EPHX2: variants seen among roughly 807,000 people sequenced by gnomAD.
The protein encoded by EPHX2 is epoxide hydrolase 2.
EPHX2 carries 74 observed loss-of-function variants against 78.7 expected under a neutral mutation model. The observed-to-expected ratio is 0.94, with a 90% confidence interval of 0.78 to 1.14. The LOEUF (loss-of-function observed/expected upper bound fraction) is 1.14, where lower values mean the gene tolerates loss of function less well. Among genes scored for constraint, EPHX2 ranks in the 50% most tolerant of loss-of-function variants. The pLI is 0.00. For missense variants in EPHX2, 715 were observed against 702.5 expected (o/e 1.02, Z -0.20); for synonymous variants, 251 against 255.2 (o/e 0.98, Z 0.16).
chr8:27,505,210 G>T, intron 4 of EPHX2, 64 bp downstream of exon 4: 1 of 1,552,386 alleles, frequency 6.4e-7, no homozygotes, highest in South Asian at 1.2e-5. Flanking sequence ...GGGAAAAACT[G>T]AGGAGTGAGC....
intron 2 of EPHX2, 81 bp from the exon 3 acceptor site, chr8:27,503,523 T>C: frequency 7.0e-7 from 1 of 1,432,706 alleles, no homozygotes; most frequent in Admixed American, 2.1e-5. Flanking sequence ...TCACAGGGAA[T>C]GTATATGTTT....
In EPHX2 at chr8:27,544,256, G is replaced by A; in HGVS notation, c.1589+12G>A. ...ACACAGATGGACAAGTAAGGAGGTT[G>A]GGGGCTCCTGGGGTCGGGGAGAGCA... On this transcript the variant is annotated intron_variant, in intron 18 of 18. Coordinates refer to ENST00000521400, the MANE Select transcript of EPHX2 (RefSeq NM_001979.6). 2.5e-6 allele frequency: 4 copies of A among 1,613,928 alleles called. No homozygotes were observed. Among genetic ancestry groups the A allele is most frequent in the Non-Finnish European group, 3.4e-6 (4 of 1,179,806 alleles).
At chr8:27,500,493 A>G (rs1813724647) in intron 1 of EPHX2, among the ~76,000 whole-genome samples, 1 of 152,236 alleles carries the variant, frequency 6.6e-6, no homozygotes, top group Non-Finnish European at 1.5e-5. Context: ...CATTAAGATA[A>G]AATAGAAACT....
chr8:27,521,784 G>A (rs946359970), intron 10 of EPHX2, among the ~76,000 whole-genome samples: 5 of 152,198 alleles, frequency 3.3e-5, no homozygotes, highest in Non-Finnish European at 5.9e-5. Flanking sequence ...GTGACTCTGC[G>A]GTTGCTGCCA....
At chr8:27,543,615 C>G (rs369013297) in intron 16 of EPHX2, 134 bp from the exon 17 acceptor site, 2 of 788,008 alleles carry the variant, frequency 2.5e-6, no homozygotes, top group Non-Finnish European at 4.2e-6. Flanking sequence ...GTAATAACCA[C>G]GAGTCTGTTG....
At chr8:27,515,101 C>T (rs150630499) in intron 6 of EPHX2, among the ~76,000 whole-genome samples, 28 of 152,254 alleles carry the variant, frequency 1.8e-4, no homozygotes, top group African/African-American at 6.7e-4. Flanking sequence ...GAGCCTGGCC[C>T]CTCCTCCTCC....
chr8:27,498,481 T>C (rs1813653755), intron 1 of EPHX2, among the ~76,000 whole-genome samples: 1 of 152,162 alleles, frequency 6.6e-6, no homozygotes, highest in African/African-American at 2.4e-5. Context: ...TGTATAGTTA[T>C]ATTCTTTCCC....
chr8:27,505,854 A>G (rs983176582), intron 4 of EPHX2, among the ~76,000 whole-genome samples: 3 of 152,216 alleles, frequency 2.0e-5, no homozygotes, highest in Admixed American at 6.5e-5. Flanking sequence ...CAGTCTTCCT[A>G]TCGATGGCTT....
chr8:27,537,682 A>G (rs1449943339), intron 13 of EPHX2, among the ~76,000 whole-genome samples: 3 of 152,126 alleles, frequency 2.0e-5, no homozygotes, highest in South Asian at 2.1e-4. Context: ...CTCTTTTGAT[A>G]GAGTCTTGTT....
chr8:27,524,508 A>G (rs1814756469), intron 11 of EPHX2, among the ~76,000 whole-genome samples: 1 of 151,994 alleles, frequency 6.6e-6, no homozygotes, highest in South Asian at 2.1e-4. Flanking sequence ...AGGTCCCTTC[A>G]TGTCTAGGCT....
In EPHX2 at chr8:27,537,751, A is replaced by G. The variant is rs141916107; in HGVS notation, c.1242+896A>G. Among the ~76,000 whole-genome samples the G allele has an allele frequency of 1.8e-3, 273 of 151,976 alleles. 1 individual carries two copies. Among genetic ancestry groups the G allele is most frequent in the South Asian group, 0.015 (73 of 4,792 alleles). ...AATTATTTTAAGTATATTCATTTCT[A>G]ATTCTCTCTTGTTTCTCTCTCTCCC... On this transcript the variant is annotated intron_variant, in intron 13 of 18. Coordinates refer to ENST00000521400, the MANE Select transcript of EPHX2 (RefSeq NM_001979.6).
At chr8:27,540,095 T>C (rs1476858110) in intron 14 of EPHX2, among the ~76,000 whole-genome samples, 1 of 152,216 alleles carries the variant, frequency 6.6e-6, no homozygotes, top group Non-Finnish European at 1.5e-5. Flanking sequence ...TGCAGCCACC[T>C]GGCCTGGGTT....
rs1427364092 is a variant in EPHX2, at chr8:27,504,877, T to C, written c.347-79T>C. 3.4e-6 allele frequency: 5 copies of C among 1,468,052 alleles called. No individual in the cohort carries two copies. The African/African-American group carries it at 5.6e-5, about 16-fold the overall frequency. The allele number at this position is 1,468,052 out of a possible 1,614,324, so 90.9% of individuals were successfully genotyped here. ...GAGCACAACCTGCTTGGCCCATCAT[T>C]GGAGTCCCTTGGGGGTATCTGGAGC... On this transcript the variant is annotated intron_variant, in intron 3 of 18. Coordinates refer to ENST00000521400, the MANE Select transcript of EPHX2 (RefSeq NM_001979.6).
chr8:27,495,714 A>G (rs1199935673), intron 1 of EPHX2, among the ~76,000 whole-genome samples: 1 of 152,172 alleles, frequency 6.6e-6, no homozygotes, highest in Non-Finnish European at 1.5e-5. Flanking sequence ...CTACCCATAA[A>G]CAGTAAGGCC....
intron 12 of EPHX2, among the ~76,000 whole-genome samples, chr8:27,528,461 A>G (rs1814921547): frequency 6.6e-6 from 1 of 152,204 alleles, no homozygotes; most frequent in Admixed American, 6.5e-5. Context: ...CTAAGGAACA[A>G]GTAGGCAAAG....
rs532892784 is a variant in EPHX2, at chr8:27,518,586, C to A, written c.945+514C>A. On this transcript the variant is annotated intron_variant, in intron 9 of 18. Coordinates refer to ENST00000521400, the MANE Select transcript of EPHX2 (RefSeq NM_001979.6). The stretch of plus-strand genomic sequence containing the variant: ...GGAGAGACTGGGTCCCAAACCTCCA[C>A]GCAGCTCAGGAGCAAAAGCAAAAGC... Among the ~76,000 whole-genome samples, 5 of 152,330 alleles carry A rather than the reference C, an allele frequency of 3.3e-5. No homozygotes were observed. The South Asian group carries it at 1.0e-3, about 32-fold the overall frequency.
chr8:27,503,998 T>A (rs558666351), intron 3 of EPHX2, among the ~76,000 whole-genome samples: 1 of 152,338 alleles, frequency 6.6e-6, no homozygotes, highest in East Asian at 1.9e-4. Context: ...CATGACTGCC[T>A]TGTGAACATC....
chr8:27,537,046 A>G (rs1440143274), intron 13 of EPHX2, among the ~76,000 whole-genome samples, 191 bp downstream of exon 13: 1 of 152,216 alleles, frequency 6.6e-6, no homozygotes, highest in African/African-American at 2.4e-5. Flanking sequence ...TCAGAGAATG[A>G]TTATAATAAT....
At chr8:27,523,246 G>A (rs72475893) in intron 11 of EPHX2, among the ~76,000 whole-genome samples, 2,024 of 152,298 alleles carry the variant, frequency 0.013, 25 homozygotes, top group South Asian at 0.019. Context: ...AAGTGGTAAT[G>A]GTAACTCCTG....
Sources: allele counts gnomAD v4.1 joint callset (sites outside exome capture counted in the v4.1 genomes callset), GRCh38; gene constraint gnomAD v4.1.1; transcripts MANE v1.5; gene names NCBI Gene and HGNC (gene_info 2026-07-23, HGNC 2026-07-21).